RHOT1: variants seen among roughly 807,000 people sequenced by gnomAD.
RHOT1 encodes ras homolog family member T1, also known as mitochondrial Rho GTPase 1.
In RHOT1, 27 loss-of-function variants were observed where a neutral mutation model predicts 95.3. The observed-to-expected ratio is 0.28, with a 90% CI of 0.21 to 0.39. The LOEUF (loss-of-function observed/expected upper bound fraction) is 0.39, where lower values mean the gene tolerates loss of function less well. RHOT1 is among the 10% of genes least tolerant of loss of function. The pLI, the probability that RHOT1 is intolerant of heterozygous loss-of-function variation, is 1.00. For missense variants in RHOT1, 578 were observed against 786.7 expected (o/e 0.73, Z 3.17); for synonymous variants, 227 against 263.5 (o/e 0.86, Z 1.34).
chr17:32,198,934 A>C lies in RHOT1; in HGVS notation c.870-13A>C. ...GATTAATGATTTATTTTACTCTTGA[A>C]TTTTTTCAACAGGCTGAAAATACCT... is the stretch of plus-strand genomic sequence containing the variant. On this transcript the variant is annotated splice_polypyrimidine_tract_variant and intron_variant, in intron 11 of 19. Transcript: ENST00000545287. The C allele has an allele frequency of 6.4e-7, 1 of 1,559,916 alleles. No individual in the cohort carries two copies. Among genetic ancestry groups the C allele is most frequent in the East Asian group, 2.2e-5 (1 of 44,500 alleles).
chr17:32,180,213 A>T (rs1368263812), intron 6 of RHOT1: 1 of 154,196 alleles, frequency 6.5e-6, no homozygotes, highest in Non-Finnish European at 1.4e-5. Flanking sequence ...TGTCGAAAAG[A>T]AAAGGGGGAA....
intron 8 of RHOT1, among the ~76,000 whole-genome samples, chr17:32,186,041 T>C (rs1020509484): frequency 3.2e-4 from 48 of 152,120 alleles, no homozygotes; most frequent in Non-Finnish European, 1.0e-4. Context: ...TTCTTTTGAG[T>C]ACATTTAGTA....
At chr17:32,212,673 AT>A (rs950139121) in intron 19 of RHOT1, among the ~76,000 whole-genome samples, 13 of 151,058 alleles carry the variant, frequency 8.6e-5, no homozygotes, top group African/African-American at 1.2e-4. Context: ...TGCTTTTATT[AT>A]TTTTTTTTAA....
chr17:32,216,044 T>C (rs780646628), intron 19 of RHOT1, among the ~76,000 whole-genome samples: 4 of 152,174 alleles, frequency 2.6e-5, no homozygotes, highest in Non-Finnish European at 5.9e-5. Flanking sequence ...ATTTTAAATA[T>C]CTTTTAAATT....
intron 1 of RHOT1, among the ~76,000 whole-genome samples, chr17:32,170,189 T>C (rs9901719): frequency 0.045 from 6,917 of 152,086 alleles, 534 homozygotes; most frequent in African/African-American, 0.16. Context: ...CCGAGGCAGG[T>C]AGATCACCTG....
At chr17:32,209,450 G>A (rs372252130) in intron 18 of RHOT1, 8 of 1,538,706 alleles carry the variant, frequency 5.2e-6, no homozygotes, top group African/African-American at 2.7e-5. Flanking sequence ...TGCTTTGTAA[G>A]TTACTTTTTC....
intron 1 of RHOT1, chr17:32,159,182 GT>G (rs1329062451): frequency 6.6e-6 from 1 of 152,658 alleles, no homozygotes; most frequent in Non-Finnish European, 1.5e-5. Flanking sequence ...TTTGTGCGGG[GT>G]TGGCCGGGGC....
At chr17:32,201,127 A>G (rs1187841094) in intron 14 of RHOT1, 71 bp downstream of exon 14, 1 of 887,800 alleles carries the variant, frequency 1.1e-6, no homozygotes, top group Non-Finnish European at 1.8e-6. Context: ...AATGTAACAA[A>G]GAGTAAGAAT....
intron 17 of RHOT1, 79 bp from the exon 18 acceptor site, chr17:32,208,028 G>A (rs770857901): frequency 1.5e-6 from 2 of 1,304,750 alleles, no homozygotes; most frequent in African/African-American, 2.9e-5. Flanking sequence ...CCATCTGGAG[G>A]AAATGCTTGG....
At chr17:32,217,848 ATATTT>A (rs549701029) in intron 19 of RHOT1, among the ~76,000 whole-genome samples, 1 of 151,084 alleles carries the variant, frequency 6.6e-6, no homozygotes, top group East Asian at 1.9e-4. Flanking sequence ...TTAATTTTTA[ATATTT>A]TATTTTATTT....
Position 32,201,001 on chromosome 17 carries a change from C to T in RHOT1, c.1146C>T (p.Gly382=), listed in dbSNP as rs1159662475. 8 of 1,612,402 alleles carry T rather than the reference C, an allele frequency of 5.0e-6. No individual in the cohort carries two copies. Among genetic ancestry groups the T allele is most frequent in the Admixed American group, 1.7e-5 (1 of 59,820 alleles). Reference sequence around the variant, plus strand: ...TACAGCGGTGCCTGGAATATTTGGGCTATCTAGGCTATTCAATATTGACTG... The same window carrying T: ...TACAGCGGTGCCTGGAATATTTGGGTTATCTAGGCTATTCAATATTGACTG... ...LDVQRCLEYL[G]YLGYSILTEQ... is the part of the protein sequence containing the mutation. The change falls in exon 14 of 20, where the codon GGC becomes GGT. Residue 382 remains glycine (G), a synonymous_variant. Transcript: ENST00000545287.
intron 1 of RHOT1, among the ~76,000 whole-genome samples, chr17:32,169,688 C>T (rs2034410155): frequency 6.6e-6 from 1 of 152,160 alleles, no homozygotes; most frequent in South Asian, 2.1e-4. Context: ...TGTAGAAATA[C>T]TAATTGTTGC....
intron 1 of RHOT1, among the ~76,000 whole-genome samples, chr17:32,157,918 G>C (rs915654224): frequency 6.6e-6 from 1 of 152,048 alleles, no homozygotes; most frequent in South Asian, 2.1e-4. Context: ...TTTGTTTTCC[G>C]ACAAGGTCTT....
chr17:32,150,334 T>C lies in RHOT1; in HGVS notation c.37+7605T>C. The C allele has an allele frequency of 1.2e-5, 4 of 331,324 alleles. No individual in the cohort carries two copies. The East Asian group carries it at 1.9e-4, about 16-fold the overall frequency. The allele number at this position is 331,324 out of a possible 1,614,324, so 20.5% of individuals were successfully genotyped here. On this transcript the variant is annotated intron_variant, in intron 1 of 19. Coordinates refer to ENST00000545287, the MANE Select transcript of RHOT1 (RefSeq NM_001033566.3). ...CACTGTAATCTGTCCCTTTCCAATT[T>C]TGAACTTTTGCTGCTAATGAACTTT... is the stretch of plus-strand genomic sequence containing the variant.
At chr17:32,208,333 T>C (rs768103131) in intron 18 of RHOT1, 24 bp downstream of exon 18, 20 of 1,590,450 alleles carry the variant, frequency 1.3e-5, no homozygotes, top group Non-Finnish European at 1.5e-5. Flanking sequence ...GTCTTCATTT[T>C]CATGTTGCAT....
intron 19 of RHOT1, among the ~76,000 whole-genome samples, chr17:32,218,534 A>C (rs2038630625): frequency 6.6e-6 from 1 of 150,822 alleles, no homozygotes; most frequent in Non-Finnish European, 1.5e-5. Context: ...AGAGCTGGGC[A>C]CAGTGTTTCA....
intron 1 of RHOT1, among the ~76,000 whole-genome samples, chr17:32,168,426 C>T (rs2034290258): frequency 6.6e-6 from 1 of 152,044 alleles, no homozygotes; most frequent in Admixed American, 6.6e-5. Flanking sequence ...TGTGCCACCA[C>T]ACCTGGCTAA....
intron 11 of RHOT1, among the ~76,000 whole-genome samples, chr17:32,195,717 T>C (rs932010477): frequency 2.6e-5 from 4 of 152,242 alleles, no homozygotes; most frequent in Non-Finnish European, 5.9e-5. Context: ...AGCAAAGTTC[T>C]TTCTGATTAG....
Position 32,211,972 on chromosome 17 carries a change from T to G in RHOT1, c.1862+734T>G, listed in dbSNP as rs555171544. 1.2e-3 allele frequency among the ~76,000 whole-genome samples: 178 copies of G among 152,376 alleles called. 2 individuals carry two copies. Among genetic ancestry groups the G allele is most frequent in the African/African-American group, 4.0e-3 (167 of 41,600 alleles). ...ATAATCTTGGAAGGTTGTATTCTTATGCTGATCATGCTACCTTTGTTCAAA... is the reference window on the plus strand; with the variant it reads ...ATAATCTTGGAAGGTTGTATTCTTAGGCTGATCATGCTACCTTTGTTCAAA... On this transcript the variant is annotated intron_variant, in intron 19 of 19. Coordinates refer to ENST00000545287, the MANE Select transcript of RHOT1 (RefSeq NM_001033566.3).
Sources: allele counts gnomAD v4.1 joint callset (sites outside exome capture counted in the v4.1 genomes callset), GRCh38; gene constraint gnomAD v4.1.1; transcripts MANE v1.5; gene names NCBI Gene and HGNC (gene_info 2026-07-23, HGNC 2026-07-21).